The following CHRNA5 variants were observed in gnomAD, a reference collection of about 807,000 sequenced individuals.
CHRNA5 encodes the protein neuronal acetylcholine receptor subunit alpha-5.
A neutral mutation model predicts 41.2 loss-of-function variants in CHRNA5; 28 were observed. That is an observed-to-expected ratio of 0.68 (90% CI 0.50 to 0.93). CHRNA5 has a LOEUF of 0.93. Among genes scored for constraint, CHRNA5 ranks in the 40% least tolerant of loss-of-function variants. CHRNA5 has a pLI of 0.00. For missense variants in CHRNA5, 481 were observed against 581.9 expected, an observed-to-expected ratio of 0.83 and a Z score of 1.78; for synonymous variants, 188 against 205.8, an observed-to-expected ratio of 0.91 and a Z score of 0.74.
chr15:78,572,153 G>A (rs551019407), intron 1 of CHRNA5, among the ~76,000 whole-genome samples: 5 of 152,118 alleles, frequency 3.3e-5, no homozygotes, highest in Non-Finnish European at 7.4e-5. Flanking sequence ...CCTTCTTATG[G>A]CAGCCTGTGA....
intron 1 of CHRNA5, among the ~76,000 whole-genome samples, chr15:78,577,174 G>A (rs1017836783): frequency 6.6e-6 from 1 of 152,236 alleles, no homozygotes. Context: ...GGTGATGAGA[G>A]CATGAAGCCA....
chr15:78,569,261 CA>C (rs1333082417), intron 1 of CHRNA5, among the ~76,000 whole-genome samples: 1 of 151,784 alleles, frequency 6.6e-6, no homozygotes, highest in Non-Finnish European at 1.5e-5. Context: ...TGAGATCTAG[CA>C]AGTAATTTTT....
At chr15:78,565,875 A>T in intron 1 of CHRNA5, 50 bp downstream of exon 1, 2 of 1,108,964 alleles carry the variant, frequency 1.8e-6, no homozygotes, top group Non-Finnish European at 2.3e-6. Context: ...CGGACTCCAC[A>T]TCGCGGTGCC....
At chr15:78,589,023 T>C (rs190327103) in intron 4 of CHRNA5, 2 of 152,214 alleles carry the variant, frequency 1.3e-5, no homozygotes, top group Non-Finnish European at 2.9e-5. Flanking sequence ...CCATTTGGCA[T>C]GAGGACAGAG....
exon 5 of CHRNA5, chr15:78,590,239 G>A: frequency 6.2e-7 from 1 of 1,613,902 alleles, no homozygotes; most frequent in Non-Finnish European, 8.5e-7. Flanking sequence ...GAAAAGATTT[G>A]TCTCTGCACT....
chr15:78,590,146 T>C (rs372825597), exon 5 of CHRNA5: 3 of 1,614,072 alleles, frequency 1.9e-6, no homozygotes, highest in African/African-American at 1.3e-5. Flanking sequence ...CTGCCTCTCT[T>C]TTATACCTTG....
At chr15:78,587,242 A>G (rs1233755932) in intron 3 of CHRNA5, among the ~76,000 whole-genome samples, 1 of 152,230 alleles carries the variant, frequency 6.6e-6, no homozygotes, top group Admixed American at 6.5e-5. Context: ...TGGGGGAAAA[A>G]TAAACAAGTT....
exon 6 of CHRNA5, chr15:78,595,263 A>G (rs930287015): frequency 1.0e-6 from 1 of 983,120 alleles, no homozygotes; most frequent in African/African-American, 1.7e-5. Flanking sequence ...ATAAATTTTT[A>G]TCGACATCTT....
intron 3 of CHRNA5, among the ~76,000 whole-genome samples, chr15:78,587,417 T>TA (rs2052970644): frequency 6.6e-6 from 1 of 151,930 alleles, no homozygotes; most frequent in African/African-American, 2.4e-5. Flanking sequence ...AAGCCATGTG[T>TA]ATATCTGGGG....
At chr15:78,565,594 C>T (rs1014256261) in exon 1 of CHRNA5, 7 of 234,658 alleles carry the variant, frequency 3.0e-5, no homozygotes, top group Non-Finnish European at 1.6e-5. Flanking sequence ...GCGGAGCGGC[C>T]CCTCTGCTGC....
intron 5 of CHRNA5, among the ~76,000 whole-genome samples, chr15:78,592,332 A>G (rs1596065418): frequency 6.6e-6 from 1 of 152,276 alleles, no homozygotes; most frequent in Middle Eastern, 3.4e-3. Flanking sequence ...AAAATAAAAT[A>G]AGCAGAGAAG....
chr15:78,593,436 A>AACAGTTGGCTGTATG (rs1401441800), exon 6 of CHRNA5: 4 of 491,594 alleles, frequency 8.1e-6, no homozygotes, highest in African/African-American at 7.9e-5. Context: ...CTGAAGTAAT[A>AACAGTTGGCTGTATG]ACTGATGAGA....
At chr15:78,589,385 C>A in intron 4 of CHRNA5, 1 of 155,478 alleles carries the variant, frequency 6.4e-6, no homozygotes, top group Non-Finnish European at 1.4e-5. Flanking sequence ...ATGGTCTTTC[C>A]CCATCAAAGT....
exon 5 of CHRNA5, chr15:78,589,912 T>C (rs1567062384): frequency 6.2e-7 from 1 of 1,614,166 alleles, no homozygotes; most frequent in South Asian, 1.1e-5. Context: ...ACCATAGATG[T>C]CACGTTTTTC....
Position 78,590,436 on chromosome 15 carries a change from GCGCCTTTGGT to G in CHRNA5, c.1047_1056del (p.Pro350AlafsTer14). 6.2e-7 allele frequency: 1 copy of G among 1,614,158 alleles called. No individual in the cohort carries two copies. The highest frequency in any genetic ancestry group is 8.5e-7 in the Non-Finnish European group (1 of 1,180,030). ...TTCTTCCTCAACACATAATGCCATG[GCGCCTTTGGT>G]CCGCAAGATATTTCTTCACACGCTT... On this transcript the variant is annotated frameshift_variant, in exon 5 of 6. Transcript: ENST00000299565. LOFTEE classifies it high-confidence loss of function.
exon 2 of CHRNA5, chr15:78,580,914 C>G (rs377184396): frequency 1.2e-6 from 2 of 1,613,970 alleles, no homozygotes; most frequent in Non-Finnish European, 1.7e-6. Flanking sequence ...ACCTGAATGA[C>G]AAAATAAAAA....
chr15:78,582,521 G>T (rs1318481065), intron 2 of CHRNA5, among the ~76,000 whole-genome samples: 1 of 151,874 alleles, frequency 6.6e-6, no homozygotes, highest in Non-Finnish European at 1.5e-5. Context: ...AGTAAGGTGG[G>T]TGGGGCTTGC....
intron 2 of CHRNA5, among the ~76,000 whole-genome samples, chr15:78,585,039 C>A (rs56390833): frequency 0.25 from 38,686 of 151,980 alleles, 5,956 homozygotes; most frequent in Middle Eastern, 0.41. Flanking sequence ...CCCACCTCAG[C>A]CTCCTGAGTA....
At chr15:78,570,888 G>C (rs1177688696) in intron 1 of CHRNA5, among the ~76,000 whole-genome samples, 2 of 152,150 alleles carry the variant, frequency 1.3e-5, no homozygotes, top group African/African-American at 4.8e-5. Context: ...CAGCATACTG[G>C]TCTCTAGCCA....
Sources: allele counts gnomAD v4.1 joint callset (sites outside exome capture counted in the v4.1 genomes callset), GRCh38; gene constraint gnomAD v4.1.1; transcripts MANE v1.5; gene names NCBI Gene and HGNC (gene_info 2026-07-23, HGNC 2026-07-21).